TENM3: variants seen among roughly 807,000 people sequenced by gnomAD.
The protein encoded by TENM3 is teneurin transmembrane protein 3.
TENM3 carries 63 observed loss-of-function variants against 255.1 expected under a neutral mutation model. The ratio of observed to expected loss-of-function variants is 0.25; its 90% CI spans 0.20 to 0.30. The LOEUF (loss-of-function observed/expected upper bound fraction) is 0.30. Ranked by LOEUF, TENM3 falls within the 10% of genes least tolerant of loss-of-function variation. The probability of loss-of-function intolerance (pLI) is 1.00; values close to 1 mark genes in which losing one functional copy is unlikely to be tolerated. For missense variants in TENM3, 2,929 were observed against 3,461.1 expected, an observed-to-expected ratio of 0.85 and a Z score of 3.86; for synonymous variants, 1,306 against 1,322.3, an observed-to-expected ratio of 0.99 and a Z score of 0.27.
At chr4:182,313,463 TTAAG>T (rs923641030) in intron 1 of TENM3, among the ~76,000 whole-genome samples, 1 of 151,984 alleles carries the variant, frequency 6.6e-6, no homozygotes, top group African/African-American at 2.4e-5. Flanking sequence ...TCATAATATA[TTAAG>T]TAAAAATGGG....
intron 3 of TENM3, among the ~76,000 whole-genome samples, chr4:182,532,263 T>TA (rs1291163070): frequency 6.6e-6 from 1 of 152,204 alleles, no homozygotes; most frequent in Non-Finnish European, 1.5e-5. Context: ...ACTCTCTCTG[T>TA]ACCTCCATTT....
At chr4:182,239,486 TA>T (rs1278635473), upstream of TENM3, among the ~76,000 whole-genome samples, 1 of 152,226 alleles carries the variant, frequency 6.6e-6, no homozygotes, top group Non-Finnish European at 1.5e-5. Context: ...ATTTTGTTTC[TA>T]AAAGCTGGCA....
intron 1 of TENM3, among the ~76,000 whole-genome samples, chr4:182,200,794 A>G (rs936454181): frequency 2.0e-5 from 3 of 151,266 alleles, no homozygotes; most frequent in African/African-American, 7.3e-5. Flanking sequence ...AGAACCAGCC[A>G]AGGGGAAGAA....
intron 3 of TENM3, among the ~76,000 whole-genome samples, chr4:182,445,999 C>A (rs924055150): frequency 6.6e-6 from 1 of 152,134 alleles, no homozygotes; most frequent in Admixed American, 6.5e-5. Context: ...TTGGTGGACT[C>A]CTGTATTTAA....
intron 16 of TENM3, among the ~76,000 whole-genome samples, chr4:182,735,181 A>G (rs1176440945): frequency 6.6e-6 from 1 of 152,152 alleles, no homozygotes; most frequent in Non-Finnish European, 1.5e-5. Flanking sequence ...TTTGTAAACT[A>G]TTTTGCTTAA....
chr4:182,607,092 A>G (rs754198270), intron 4 of TENM3, among the ~76,000 whole-genome samples: 1 of 152,232 alleles, frequency 6.6e-6, no homozygotes, highest in Non-Finnish European at 1.5e-5. Context: ...TAAGTGTGAA[A>G]TGAAATAAAG....
At chr4:182,770,613 G>C (rs891522597) in intron 22 of TENM3, among the ~76,000 whole-genome samples, 5 of 152,104 alleles carry the variant, frequency 3.3e-5, no homozygotes, top group African/African-American at 1.2e-4. Flanking sequence ...GACCTGGCCA[G>C]GTCCCCACCT....
chr4:182,673,342 G>A, intron 7 of TENM3, 123 bp downstream of exon 7: 1 of 632,664 alleles, frequency 1.6e-6, no homozygotes, highest in Non-Finnish European at 2.7e-6. Context: ...ACTTTCTACA[G>A]TAGAAAGAGT....
intron 3 of TENM3, among the ~76,000 whole-genome samples, chr4:182,486,254 T>A (rs1000517620): frequency 5.3e-4 from 59 of 110,560 alleles, no homozygotes; most frequent in Non-Finnish European, 7.9e-4. Context: ...TAAAAAGATT[T>A]AAAAAAGAAA....
the TENM3 span, among the ~76,000 whole-genome samples, chr4:182,049,055 G>C: frequency 1.3e-5 from 2 of 152,008 alleles, no homozygotes; most frequent in South Asian, 4.2e-4. Context: ...ACATAGCATG[G>C]GGGAGTCAGG....
chr4:181,770,084 G>A, the TENM3 span, among the ~76,000 whole-genome samples: 1 of 152,166 alleles, frequency 6.6e-6, no homozygotes, highest in Admixed American at 6.5e-5. Context: ...TCTAATTGTT[G>A]AATATGCAGT....
At chr4:182,620,376 G>A (rs952147184) in intron 4 of TENM3, among the ~76,000 whole-genome samples, 3 of 152,154 alleles carry the variant, frequency 2.0e-5, no homozygotes, top group East Asian at 1.9e-4. Context: ...ATGCACTTTG[G>A]CAGTGTTTGA....
the TENM3 span, among the ~76,000 whole-genome samples, chr4:181,699,813 G>C: frequency 2.0e-5 from 3 of 152,184 alleles, no homozygotes; most frequent in Non-Finnish European, 4.4e-5. Context: ...GCACCTGCTA[G>C]TTTAACCTCC....
the TENM3 span, among the ~76,000 whole-genome samples, chr4:181,642,482 C>T: frequency 2.4e-4 from 37 of 151,652 alleles, no homozygotes; most frequent in African/African-American, 8.5e-4. Flanking sequence ...TAGGTAGATC[C>T]CATTTGTCAA....
intron 6 of TENM3, among the ~76,000 whole-genome samples, chr4:182,660,194 TTC>T (rs1343066563): frequency 6.6e-6 from 1 of 152,234 alleles, no homozygotes; most frequent in African/African-American, 2.4e-5. Context: ...ATCCTGTCTG[TTC>T]TTTCACTGCT....
the TENM3 span, among the ~76,000 whole-genome samples, chr4:181,789,712 G>A: frequency 3.9e-5 from 6 of 152,094 alleles, no homozygotes; most frequent in South Asian, 2.1e-4. Context: ...CAGGGTCAGG[G>A]CTGGAGATCA....
chr4:181,834,994 G>A, the TENM3 span: 5 of 152,104 alleles, frequency 3.3e-5, no homozygotes, highest in Non-Finnish European at 7.3e-5. Context: ...GCCTCAGGAA[G>A]GACAGACACA....
the TENM3 span, among the ~76,000 whole-genome samples, chr4:181,628,650 G>A: frequency 1.3e-5 from 2 of 152,162 alleles, no homozygotes; most frequent in Admixed American, 1.3e-4. Flanking sequence ...TTGTAGATGT[G>A]TGGTATTATT....
intron 22 of TENM3, among the ~76,000 whole-genome samples, chr4:182,763,878 ATTTATC>A (rs1045103240): frequency 2.0e-5 from 3 of 152,196 alleles, no homozygotes; most frequent in Non-Finnish European, 4.4e-5. Flanking sequence ...ATGCCCAGGA[ATTTATC>A]TTTATGTTCA....
Sources: allele counts gnomAD v4.1 joint callset (sites outside exome capture counted in the v4.1 genomes callset), GRCh38; gene constraint gnomAD v4.1.1; transcripts MANE v1.5; gene names NCBI Gene and HGNC (gene_info 2026-07-23, HGNC 2026-07-21).